The following HIVEP3 variants were observed in gnomAD, a reference collection of about 807,000 sequenced individuals.
HIVEP3 encodes the protein HIVEP zinc finger 3.
In HIVEP3, 49 loss-of-function variants were observed where a neutral mutation model predicts 152.8. That is an observed-to-expected ratio of 0.32 (90% CI 0.26 to 0.41). HIVEP3 has a LOEUF of 0.41. Among genes scored for constraint, HIVEP3 ranks in the 10% least tolerant of loss-of-function variants. HIVEP3 has a pLI of 1.00. For synonymous variants in HIVEP3, 1,269 were observed against 1,289.0 expected, an observed-to-expected ratio of 0.98 and a Z score of 0.33; for missense variants, 2,790 against 3,103.3, an observed-to-expected ratio of 0.90 and a Z score of 2.40.
chr1:41,805,562 G>A lies in HIVEP3; in HGVS notation c.-800-104567C>T, dbSNP rs144211901. On this transcript the variant is annotated intron_variant, in intron 1 of 8. Transcript: ENST00000372583. ...CTGCCCCTCGTTTACATGCGTGTGC[G>A]TGGGAGATGATAATGACACCACCTC... is the stretch of plus-strand genomic sequence containing the variant. 3.0e-3 allele frequency among the ~76,000 whole-genome samples: 457 copies of A among 152,286 alleles called. 1 individual carries two copies. Among genetic ancestry groups the A allele is most frequent in the African/African-American group, 0.01 (424 of 41,550 alleles).
chr1:41,718,784 A>ACACACACGTG (rs1457591908), intron 1 of HIVEP3, among the ~76,000 whole-genome samples: 1 of 147,468 alleles, frequency 6.8e-6, no homozygotes, highest in African/African-American at 2.7e-5. Flanking sequence ...CCACACACAC[A>ACACACACGTG]CACACACACA....
chr1:41,975,118 C>T (rs1645252547), intron 1 of HIVEP3, among the ~76,000 whole-genome samples: 1 of 152,172 alleles, frequency 6.6e-6, no homozygotes, highest in South Asian at 2.1e-4. Context: ...GCCCCCTTGC[C>T]TCAATTTGGG....
At chr1:41,610,761 G>T (rs754195363) in intron 3 of HIVEP3, among the ~76,000 whole-genome samples, 1 of 152,122 alleles carries the variant, frequency 6.6e-6, no homozygotes, top group African/African-American at 2.4e-5. Flanking sequence ...TGAGGCATTC[G>T]CACTCTAGGT....
intron 2 of HIVEP3, among the ~76,000 whole-genome samples, chr1:41,690,153 G>A (rs1017405705): frequency 6.6e-6 from 1 of 152,254 alleles, no homozygotes. Flanking sequence ...TTATGGCAGG[G>A]GAGTGTGGAC....
At chr1:41,715,998 G>A (rs1646587093) in intron 1 of HIVEP3, among the ~76,000 whole-genome samples, 1 of 152,234 alleles carries the variant, frequency 6.6e-6, no homozygotes. Flanking sequence ...GGAGTGGGCA[G>A]GGAAATCTGA....
chr1:41,686,903 A>G (rs558929085), intron 2 of HIVEP3, among the ~76,000 whole-genome samples: 3 of 152,248 alleles, frequency 2.0e-5, no homozygotes, highest in Non-Finnish European at 4.4e-5. Flanking sequence ...ATCATTTAGC[A>G]TCTACTATGG....
In HIVEP3 at chr1:41,583,625, A is replaced by C. The variant is rs1283552153; in HGVS notation, c.1173T>G (p.Ser391=). ...CACTCTCGGAGCGAGAGAAATACCC[A>C]GACTCAGTACTCCCTTTGCTGCCTG... ...LSPGSKGSTE[S]GYFSRSESAE... Residue 391 remains serine (S), a synonymous_variant, in exon 4 of 9, where the codon TCT becomes TCG. Transcript: ENST00000372583. The surrounding 1 kb of genome is among the most constrained non-coding windows in gnomAD (Gnocchi z 6.9). The C allele has an allele frequency of 3.7e-6, 6 of 1,614,170 alleles. No individual in the cohort carries two copies. The highest frequency in any genetic ancestry group is 1.3e-5 in the African/African-American group (1 of 75,036).
At chr1:41,597,170 G>A (rs1644679542) in intron 3 of HIVEP3, among the ~76,000 whole-genome samples, 2 of 152,070 alleles carry the variant, frequency 1.3e-5, no homozygotes. Context: ...CAGAAGCCTA[G>A]GCAATCCTAG....
chr1:41,607,152 C>G (rs867201722), intron 3 of HIVEP3, among the ~76,000 whole-genome samples: 7 of 152,176 alleles, frequency 4.6e-5, no homozygotes, highest in Middle Eastern at 3.4e-3. Context: ...GAGGAAATTT[C>G]TTTGGCTATA....
At chr1:42,003,222 G>A (rs930237701) in intron 1 of HIVEP3, among the ~76,000 whole-genome samples, 1 of 151,932 alleles carries the variant, frequency 6.6e-6, no homozygotes, top group African/African-American at 2.4e-5. Context: ...GAATGCAGGT[G>A]TGCACCACCA....
At chr1:41,926,694 C>G (rs960987714) in intron 1 of HIVEP3, among the ~76,000 whole-genome samples, 4 of 152,066 alleles carry the variant, frequency 2.6e-5, no homozygotes, top group African/African-American at 4.8e-5. Flanking sequence ...TTAAGTACCC[C>G]TATTAGTGCC....
chr1:41,806,803 A>G (rs952287981), intron 1 of HIVEP3, among the ~76,000 whole-genome samples: 7 of 152,168 alleles, frequency 4.6e-5, no homozygotes, highest in African/African-American at 1.7e-4. Context: ...ACGACTCCAC[A>G]GGGTAGGGGG....
At position 41,677,325 on chromosome 1, in the gene HIVEP3, C is replaced by T. The variant is rs191742906; in HGVS notation, c.-721+23591G>A. Among the ~76,000 whole-genome samples, 10 of 152,284 alleles carry T rather than the reference C, an allele frequency of 6.6e-5. No homozygotes were observed. In the East Asian group the frequency reaches 1.4e-3, roughly 21 times the overall value. On this transcript the variant is annotated intron_variant, in intron 2 of 8. Transcript: ENST00000372583. Reference sequence around the variant, plus strand: ...TCTAATCCTCATGACAAGCCTATGTCGTAAGAGAGAAATACAATAGTGTGA... The same window carrying T: ...TCTAATCCTCATGACAAGCCTATGTTGTAAGAGAGAAATACAATAGTGTGA...
intron 1 of HIVEP3, among the ~76,000 whole-genome samples, chr1:41,989,333 C>A (rs1181691617): frequency 6.6e-6 from 1 of 151,942 alleles, no homozygotes. Context: ...TCATACTGTA[C>A]ATCATAAATA....
chr1:41,916,260 A>G (rs186357989), intron 1 of HIVEP3, among the ~76,000 whole-genome samples: 4 of 152,310 alleles, frequency 2.6e-5, no homozygotes, highest in Non-Finnish European at 5.9e-5. Flanking sequence ...ACAGCTCAAC[A>G]ATAGTGCCAG....
chr1:41,825,253 T>TTCAC (rs2124348803), intron 1 of HIVEP3, among the ~76,000 whole-genome samples: 1 of 152,184 alleles, frequency 6.6e-6, no homozygotes, highest in South Asian at 2.1e-4. Flanking sequence ...ACAAAGTACA[T>TTCAC]TCACGAGGGC....
intron 1 of HIVEP3, among the ~76,000 whole-genome samples, chr1:42,010,321 T>C (rs773342162): frequency 3.3e-5 from 5 of 152,264 alleles, no homozygotes; most frequent in African/African-American, 1.2e-4. Context: ...TTGTCTCTTA[T>C]GTTGTTGATC....
chr1:41,683,964 C>T (rs1184243334), intron 2 of HIVEP3, among the ~76,000 whole-genome samples: 1 of 152,206 alleles, frequency 6.6e-6, no homozygotes, highest in Non-Finnish European at 1.5e-5. Flanking sequence ...TGCTACAGAG[C>T]TCAGATGACT....
At chr1:41,851,289 CTTTTTTTTTTTTTTTTTT>C (rs34180186) in intron 1 of HIVEP3, among the ~76,000 whole-genome samples, 69 of 59,806 alleles carry the variant, frequency 1.2e-3, no homozygotes, top group South Asian at 1.9e-3. Flanking sequence ...TCTTCTTCTT[CTTTTTTTTTTTTTTTTTT>C]TTTTTTTTTT....
Sources: gnomAD v4.1 joint callset for allele counts (sites outside exome capture counted in the v4.1 genomes callset) on GRCh38, gnomAD v4.1.1 for gene constraint, Gnocchi (gnomAD v3.1) non-coding constraint, MANE v1.5 for transcripts, NCBI Gene and HGNC (gene_info 2026-07-23, HGNC 2026-07-21) for gene names.